The following SUCLG2 variants were observed in gnomAD, a reference collection of about 807,000 sequenced individuals.
The protein encoded by SUCLG2 is succinate--CoA ligase [GDP-forming] subunit beta, mitochondrial.
SUCLG2 carries 42 observed loss-of-function variants against 47.9 expected under a neutral mutation model. The observed-to-expected ratio is 0.88, with a 90% confidence interval of 0.69 to 1.14. SUCLG2 has a LOEUF of 1.14. Among genes scored for constraint, SUCLG2 ranks in the 50% most tolerant of loss-of-function variants. The pLI is 0.00. For synonymous variants in SUCLG2, 195 were observed against 197.3 expected, an observed-to-expected ratio of 0.99 and a Z score of 0.10; for missense variants, 571 against 525.9, an observed-to-expected ratio of 1.09 and a Z score of -0.84.
At chr3:67,630,859 C>T (rs1173568018) in intron 1 of SUCLG2, among the ~76,000 whole-genome samples, 1 of 152,232 alleles carries the variant, frequency 6.6e-6, no homozygotes, top group Non-Finnish European at 1.5e-5. Context: ...ATACAAAGCC[C>T]TGCATCAGCA....
intron 2 of SUCLG2, among the ~76,000 whole-genome samples, chr3:67,581,875 TC>T (rs1178118474): frequency 1.3e-5 from 2 of 152,192 alleles, no homozygotes; most frequent in Non-Finnish European, 2.9e-5. Context: ...ATACAGTTAA[TC>T]ACCAGACATG....
At chr3:67,551,700 A>C (rs1191207786) in intron 2 of SUCLG2, among the ~76,000 whole-genome samples, 1 of 152,098 alleles carries the variant, frequency 6.6e-6, no homozygotes, top group Admixed American at 6.6e-5. Flanking sequence ...CAGTGCCATT[A>C]CTGATGTTGC....
At chr3:67,645,512 A>G (rs1701175234) in intron 1 of SUCLG2, among the ~76,000 whole-genome samples, 1 of 152,084 alleles carries the variant, frequency 6.6e-6, no homozygotes, top group Non-Finnish European at 1.5e-5. Flanking sequence ...CCATCTCAAA[A>G]TTTACTTAGT....
intron 1 of SUCLG2, among the ~76,000 whole-genome samples, chr3:67,649,515 C>T (rs1219818722): frequency 2.6e-5 from 4 of 151,586 alleles, no homozygotes. Context: ...CTTTGTATAC[C>T]CAAAAGTGCC....
intron 10 of SUCLG2, among the ~76,000 whole-genome samples, chr3:67,361,330 C>T (rs950709309): frequency 6.6e-5 from 10 of 152,114 alleles, no homozygotes; most frequent in East Asian, 3.8e-4. Flanking sequence ...GTATAAATCA[C>T]GTTGAGTTTC....
intron 2 of SUCLG2, among the ~76,000 whole-genome samples, chr3:67,548,029 T>C (rs763141399): frequency 2.0e-5 from 3 of 152,218 alleles, no homozygotes; most frequent in Non-Finnish European, 4.4e-5. Flanking sequence ...CGGTCATTCA[T>C]TCACAATCAT....
At chr3:67,397,466 C>T (rs1286015508) in intron 10 of SUCLG2, among the ~76,000 whole-genome samples, 8 of 152,116 alleles carry the variant, frequency 5.3e-5, no homozygotes, top group Middle Eastern at 3.4e-3. Context: ...TTACAAAGGG[C>T]GTGAAGGACC....
chr3:67,396,322 A>C (rs538743761), intron 10 of SUCLG2, among the ~76,000 whole-genome samples: 5 of 152,278 alleles, frequency 3.3e-5, no homozygotes, highest in East Asian at 1.9e-4. Context: ...AGACGCAATA[A>C]AAAATGATAA....
chr3:67,437,521 T>A (rs1427815564), intron 9 of SUCLG2, among the ~76,000 whole-genome samples: 1 of 152,218 alleles, frequency 6.6e-6, no homozygotes, highest in African/African-American at 2.4e-5. Context: ...CATTTAATAG[T>A]TGCTGACTCC....
At chr3:67,437,518 T>C (rs1013206069) in intron 9 of SUCLG2, among the ~76,000 whole-genome samples, 1 of 152,224 alleles carries the variant, frequency 6.6e-6, no homozygotes, top group Admixed American at 6.5e-5. Flanking sequence ...ATTCATTTAA[T>C]AGTTGCTGAC....
intron 9 of SUCLG2, among the ~76,000 whole-genome samples, chr3:67,453,894 C>G (rs1245395555): frequency 6.6e-6 from 1 of 152,150 alleles, no homozygotes; most frequent in African/African-American, 2.4e-5. Flanking sequence ...CTAGATATAA[C>G]CAGAATGCCA....
intron 9 of SUCLG2, among the ~76,000 whole-genome samples, chr3:67,401,595 A>AAAAT (rs1409098244): frequency 4.0e-5 from 6 of 149,830 alleles, no homozygotes; most frequent in African/African-American, 1.5e-4. Flanking sequence ...AAAAAAACAA[A>AAAAT]CTCTACTTGT....
At chr3:67,447,179 T>C (rs934090403) in intron 9 of SUCLG2, among the ~76,000 whole-genome samples, 1 of 152,190 alleles carries the variant, frequency 6.6e-6, no homozygotes, top group Non-Finnish European at 1.5e-5. Context: ...AAAATCATTT[T>C]ACCTACTAAC....
chr3:67,463,136 A>C (rs1462930034), intron 9 of SUCLG2, among the ~76,000 whole-genome samples: 1 of 152,234 alleles, frequency 6.6e-6, no homozygotes, highest in East Asian at 1.9e-4. Flanking sequence ...AATTAAAGAA[A>C]AATAGGGGAT....
At chr3:67,473,301 G>A (rs1344212367) in intron 9 of SUCLG2, among the ~76,000 whole-genome samples, 3 of 152,202 alleles carry the variant, frequency 2.0e-5, no homozygotes, top group Non-Finnish European at 4.4e-5. Flanking sequence ...CACCTAGCTT[G>A]ATGACTTTAT....
At chr3:67,637,461 G>C (rs1701029328) in intron 1 of SUCLG2, among the ~76,000 whole-genome samples, 1 of 152,180 alleles carries the variant, frequency 6.6e-6, no homozygotes, top group Non-Finnish European at 1.5e-5. Context: ...AATTGTACTT[G>C]TGAGTCCTTC....
intron 2 of SUCLG2, among the ~76,000 whole-genome samples, chr3:67,551,430 C>T (rs1707011628): frequency 6.6e-6 from 1 of 152,220 alleles, no homozygotes; most frequent in Non-Finnish European, 1.5e-5. Flanking sequence ...GCCGCTAGTG[C>T]TGGTGGCCTT....
chr3:67,645,963 C>T (rs1701183100), intron 1 of SUCLG2, among the ~76,000 whole-genome samples: 1 of 150,936 alleles, frequency 6.6e-6, no homozygotes, highest in Admixed American at 6.6e-5. Context: ...AAGAGATCTC[C>T]ATTGATAAGG....
intron 9 of SUCLG2, among the ~76,000 whole-genome samples, chr3:67,423,507 A>T (rs897596506): frequency 6.6e-6 from 1 of 152,048 alleles, no homozygotes; most frequent in Non-Finnish European, 1.5e-5. Context: ...AGACACTACA[A>T]TTCCCTCCTC....
Sources: gnomAD v4.1 joint callset for allele counts (sites outside exome capture counted in the v4.1 genomes callset) on GRCh38, gnomAD v4.1.1 for gene constraint, MANE v1.5 for transcripts, NCBI Gene and HGNC (gene_info 2026-07-23, HGNC 2026-07-21) for gene names.